The following SRGAP1 variants were observed in gnomAD, a reference collection of about 807,000 sequenced individuals.
SRGAP1 encodes the protein SLIT-ROBO Rho GTPase-activating protein 1.
A neutral mutation model predicts 121.9 loss-of-function variants in SRGAP1; 43 were observed. The observed-to-expected ratio is 0.35, with a 90% CI of 0.28 to 0.46. The LOEUF is 0.46. Among genes scored for constraint, SRGAP1 ranks in the 20% least tolerant of loss-of-function variants. The pLI, the probability that SRGAP1 is intolerant of heterozygous loss-of-function variation, is 1.00. For missense variants in SRGAP1, 1,102 were observed against 1,350.9 expected, an observed-to-expected ratio of 0.82 and a Z score of 2.89; for synonymous variants, 447 against 485.4, an observed-to-expected ratio of 0.92 and a Z score of 1.04.
chr12:63,954,980 AT>A (rs1249646758), intron 1 of SRGAP1, among the ~76,000 whole-genome samples: 2 of 152,088 alleles, frequency 1.3e-5, no homozygotes, highest in Non-Finnish European at 2.9e-5. Context: ...TTAAAAAATT[AT>A]TTGCTTTTGA....
intron 8 of SRGAP1, among the ~76,000 whole-genome samples, chr12:64,071,786 A>G (rs2035640832): frequency 6.6e-6 from 1 of 152,124 alleles, no homozygotes; most frequent in Admixed American, 6.5e-5. Context: ...AGAGCCTAGC[A>G]TTTGTAAACA....
chr12:63,867,785 A>G (rs1054508807), intron 1 of SRGAP1, among the ~76,000 whole-genome samples: 3 of 151,704 alleles, frequency 2.0e-5, no homozygotes, highest in Non-Finnish European at 4.4e-5. Flanking sequence ...TTTAAAACTC[A>G]CTCATTTCCA....
chr12:63,990,659 C>CTT (rs2033533502), intron 3 of SRGAP1, among the ~76,000 whole-genome samples: 2 of 152,102 alleles, frequency 1.3e-5, no homozygotes, highest in South Asian at 4.1e-4. Flanking sequence ...ACAATGTGAG[C>CTT]AAAAATTTTG....
intron 1 of SRGAP1, among the ~76,000 whole-genome samples, chr12:63,906,583 G>A (rs1201471558): frequency 6.6e-6 from 1 of 152,138 alleles, no homozygotes; most frequent in African/African-American, 2.4e-5. Context: ...AAAGTGCTGG[G>A]ATTACAGGTG....
At chr12:63,964,978 A>T (rs887001775) in intron 1 of SRGAP1, among the ~76,000 whole-genome samples, 5 of 152,222 alleles carry the variant, frequency 3.3e-5, no homozygotes, top group Non-Finnish European at 7.3e-5. Context: ...GGGAAAAAAT[A>T]CGAGCTTTAG....
chr12:63,885,518 T>C (rs1298547190), intron 1 of SRGAP1, among the ~76,000 whole-genome samples: 1 of 152,132 alleles, frequency 6.6e-6, no homozygotes, highest in Non-Finnish European at 1.5e-5. Context: ...AGAAATGTGA[T>C]TGAACAAAAA....
At chr12:63,943,638 TGAAGAG>T (rs1470156815) in intron 1 of SRGAP1, among the ~76,000 whole-genome samples, 2 of 151,964 alleles carry the variant, frequency 1.3e-5, no homozygotes, top group Admixed American at 1.3e-4. Flanking sequence ...TATAAGAAAA[TGAAGAG>T]GAGTAAGTTT....
chr12:63,944,421 G>A (rs1187304335), intron 1 of SRGAP1, among the ~76,000 whole-genome samples: 2 of 152,164 alleles, frequency 1.3e-5, no homozygotes, highest in African/African-American at 2.4e-5. Flanking sequence ...GGCAGAAGGG[G>A]TGAGGGAGCT....
intron 3 of SRGAP1, among the ~76,000 whole-genome samples, chr12:63,998,916 TG>T (rs1435674499): frequency 6.6e-6 from 1 of 152,172 alleles, no homozygotes; most frequent in Non-Finnish European, 1.5e-5. Context: ...GTCAAGATGT[TG>T]GGGATACAGC....
In SRGAP1 at chr12:63,872,451, A is replaced by T. The variant is rs1161806612; in HGVS notation, c.67+27568A>T. ...ACGGTCTAGTTGAAAGAGGGAAAGG[A>T]TGTTAGGGAAAATAGGATTTTGTCC... On this transcript the variant is annotated intron_variant, in intron 1 of 21. Transcript: ENST00000355086. 2.0e-5 allele frequency among the ~76,000 whole-genome samples: 3 copies of T among 152,180 alleles called. No homozygotes were observed. In the East Asian group the frequency reaches 5.8e-4, roughly 29 times the overall value.
chr12:63,937,668 A>G (rs1421733787), intron 1 of SRGAP1, among the ~76,000 whole-genome samples: 1 of 152,220 alleles, frequency 6.6e-6, no homozygotes, highest in African/African-American at 2.4e-5. Flanking sequence ...AGGGACCTTT[A>G]GCGTGAGAAC....
rs562089281 is a variant in SRGAP1 at position 64,031,410 on chromosome 12, A to G, written c.490-11380A>G. On this transcript the variant is annotated intron_variant, in intron 4 of 21. Transcript: ENST00000355086. Reference sequence around the variant, plus strand: ...CAAATAATAAATTCTTACAGAATTTAGTTACTATGAGATAAAAATTTGAAA... The same window carrying G: ...CAAATAATAAATTCTTACAGAATTTGGTTACTATGAGATAAAAATTTGAAA... 5.9e-4 allele frequency among the ~76,000 whole-genome samples: 90 copies of G among 152,116 alleles called. 2 individuals are homozygous for G. The South Asian group carries it at 0.018, about 31-fold the overall frequency.
At chr12:63,845,008 C>A in intron 1 of SRGAP1, 125 bp downstream of exon 1, 2 of 910,030 alleles carry the variant, frequency 2.2e-6, no homozygotes, top group South Asian at 2.8e-5. Flanking sequence ...CGAGCCCTGT[C>A]TGAGCCACCT....
intron 6 of SRGAP1, among the ~76,000 whole-genome samples, chr12:64,047,732 C>T (rs900502901): frequency 6.6e-6 from 1 of 152,012 alleles, no homozygotes; most frequent in African/African-American, 2.4e-5. Context: ...ATTGATACCA[C>T]AGAAAAGTCA....
At chr12:64,132,207 A>G (rs183284490) in intron 21 of SRGAP1, among the ~76,000 whole-genome samples, 175 of 152,310 alleles carry the variant, frequency 1.1e-3, no homozygotes, top group African/African-American at 3.9e-3. Context: ...CTGCAGAAGA[A>G]GGCAGGGCCT....
At chr12:63,907,959 A>G (rs972389110) in intron 1 of SRGAP1, among the ~76,000 whole-genome samples, 4 of 152,178 alleles carry the variant, frequency 2.6e-5, no homozygotes, top group Admixed American at 6.5e-5. Flanking sequence ...TGAAAAGACT[A>G]TTCTTTTTTC....
At chr12:64,018,834 C>T (rs2034474035) in intron 4 of SRGAP1, among the ~76,000 whole-genome samples, 1 of 152,112 alleles carries the variant, frequency 6.6e-6, no homozygotes, top group Non-Finnish European at 1.5e-5. Flanking sequence ...TTCTGATACC[C>T]TAAGGTATCA....
chr12:63,871,777 C>A, intron 1 of SRGAP1: 1 of 1,269,512 alleles, frequency 7.9e-7, no homozygotes, highest in Admixed American at 1.7e-5. Context: ...TTCTTATATC[C>A]TCCCAGTTCA....
At chr12:63,886,670 C>T (rs1225247866) in intron 1 of SRGAP1, among the ~76,000 whole-genome samples, 1 of 151,970 alleles carries the variant, frequency 6.6e-6, no homozygotes, top group Non-Finnish European at 1.5e-5. Flanking sequence ...TGGGATTCTG[C>T]CATGTTCCCC....
Sources: allele counts gnomAD v4.1 joint callset (sites outside exome capture counted in the v4.1 genomes callset), GRCh38; gene constraint gnomAD v4.1.1; transcripts MANE v1.5; gene names NCBI Gene and HGNC (gene_info 2026-07-23, HGNC 2026-07-21).